Variants in TMEM255A observed in about 807,000 individuals in gnomAD.
TMEM255A encodes transmembrane protein 255A.
Under a neutral mutation model 23.5 loss-of-function variants are expected in TMEM255A, and 14 were observed. That is an observed-to-expected ratio of 0.60 (90% CI 0.39 to 0.93). The LOEUF is 0.93. TMEM255A is among the 40% of genes least tolerant of loss of function. TMEM255A has a pLI of 0.00. For missense variants in TMEM255A, 233 were observed against 261.7 expected, an observed-to-expected ratio of 0.89 and a Z score of 0.76; for synonymous variants, 104 against 100.3, an observed-to-expected ratio of 1.04 and a Z score of -0.22.
chrX:120,271,225 T>G (rs1556018717), intron 7 of TMEM255A, among the ~76,000 whole-genome samples: 1 of 112,015 alleles, frequency 8.9e-6, no homozygotes, highest in Non-Finnish European at 1.9e-5. Context: ...GTTAAAACAC[T>G]CATAGAACCA....
chrX:120,263,590 G>C (rs782805669), intron 8 of TMEM255A, among the ~76,000 whole-genome samples: 28 of 111,827 alleles, frequency 2.5e-4, no homozygotes, highest in Non-Finnish European at 4.1e-4. Flanking sequence ...AAAGAGCCCA[G>C]GAACTGGCTG....
At chrX:120,294,877 CT>C (rs1369874904) in intron 2 of TMEM255A, among the ~76,000 whole-genome samples, 3 of 110,469 alleles carry the variant, frequency 2.7e-5, no homozygotes, top group East Asian at 2.8e-4. Flanking sequence ...TTTTAAAAAT[CT>C]TTTTTTTTGA....
intron 2 of TMEM255A, among the ~76,000 whole-genome samples, chrX:120,298,286 T>C (rs2058010638): frequency 9.0e-6 from 1 of 111,513 alleles, no homozygotes; most frequent in African/African-American, 3.3e-5. Flanking sequence ...GTGTTCGATC[T>C]GTAATTTGGA....
intron 2 of TMEM255A, among the ~76,000 whole-genome samples, 195 bp from the exon 3 acceptor site, chrX:120,294,246 A>C (rs1175707993): frequency 1.8e-5 from 2 of 109,267 alleles, no homozygotes; most frequent in Non-Finnish European, 1.9e-5. Context: ...CATCCCGGCT[A>C]AAACGGTGAA....
At chrX:120,302,455 C>T (rs1344612898) in intron 2 of TMEM255A, among the ~76,000 whole-genome samples, 2 of 110,721 alleles carry the variant, frequency 1.8e-5, no homozygotes, top group African/African-American at 6.6e-5. Context: ...TTCCAAGCCA[C>T]CGAAATGCTA....
chrX:120,285,593 G>A lies in TMEM255A; in HGVS notation c.424-378C>T, dbSNP rs2057868386. The A allele has an allele frequency of 6.6e-6, 8 of 1,208,724 alleles. No homozygotes were observed. In the East Asian group the frequency reaches 1.8e-4, roughly 27 times the overall value. On this transcript the variant is annotated intron_variant, in intron 5 of 8. Transcript: ENST00000371369. ...ATAAGGTGGGAAGGAAGACAGAGGA[G>A]CCGGCGCATGCACTCTGAAGTACAA...
intron 2 of TMEM255A, 26 bp downstream of exon 2, chrX:120,304,323 G>A (rs948559703): frequency 1.0e-5 from 12 of 1,189,771 alleles, no homozygotes; most frequent in Non-Finnish European, 1.4e-5. Context: ...AAGCTACTGC[G>A]ACCTACCTGT....
chrX:120,310,729 GC>G (rs782364263), intron 1 of TMEM255A, among the ~76,000 whole-genome samples: 1,077 of 16,588 alleles, frequency 0.065, 54 homozygotes, highest in East Asian at 0.12. Flanking sequence ...TGCGCAACCC[GC>G]CCCCCCCCCC....
downstream of TMEM255A, chrX:120,253,877 T>C (rs142355959): frequency 3.3e-6 from 4 of 1,209,376 alleles, no homozygotes; most frequent in African/African-American, 7.0e-5. Context: ...AATCAAAAGA[T>C]GAAGCCCAAG....
downstream of TMEM255A, chrX:120,256,932 C>A (rs2057642160): frequency 1.6e-5 from 2 of 121,970 alleles, no homozygotes; most frequent in South Asian, 7.5e-4. Context: ...AAAATATAGT[C>A]TATTTCTTGA....
chrX:120,272,197 G>A (rs782621578), intron 7 of TMEM255A, among the ~76,000 whole-genome samples: 2 of 111,218 alleles, frequency 1.8e-5, no homozygotes, highest in Admixed American at 1.9e-4. Context: ...TGCACCTAGG[G>A]CCCTGAGCAT....
intron 6 of TMEM255A, among the ~76,000 whole-genome samples, chrX:120,279,998 C>CTTTTTT (rs59428362): frequency 2.4e-3 from 90 of 38,179 alleles, no homozygotes; most frequent in African/African-American, 3.6e-3. Flanking sequence ...CCTTTTCTTT[C>CTTTTTT]TTTTTTTTTT....
intron 2 of TMEM255A, among the ~76,000 whole-genome samples, chrX:120,299,361 G>C (rs2058019264): frequency 9.1e-6 from 1 of 110,496 alleles, no homozygotes; most frequent in Non-Finnish European, 1.9e-5. Context: ...CCAGGCTGGA[G>C]AGCAGTGGTG....
intron 7 of TMEM255A, among the ~76,000 whole-genome samples, chrX:120,275,661 G>A (rs1026913298): frequency 1.0e-5 from 1 of 100,133 alleles, no homozygotes; most frequent in Non-Finnish European, 2.0e-5. Flanking sequence ...TTCAATCATG[G>A]CTGCAGATCA....
At chrX:120,288,836 A>G (rs1468768653) in intron 4 of TMEM255A, among the ~76,000 whole-genome samples, 5 of 112,686 alleles carry the variant, frequency 4.4e-5, no homozygotes, top group African/African-American at 1.6e-4. Context: ...AAGGTAGGTT[A>G]CTACTATATC....
Position 120,277,043 on chromosome X carries a change from C to T in TMEM255A, c.517G>A (p.Val173Met). The change falls in exon 7 of 9, where the codon GTG (valine) becomes ATG (methionine). Residue 173 changes from valine (V) to methionine (M), a missense_variant. Val to Met is a conservative substitution (Grantham distance 21). Transcript: ENST00000371369. ...TCGTAGTACCCACCAGTGATCTCCA[C>T]CCGGCTGGACAGGGAGGAGCATGCT... Reference protein sequence around the residue: ...CCDLYNCGNRVEITGGYYEYI... With the variant: ...CCDLYNCGNRMEITGGYYEYI... The T allele has an allele frequency of 1.7e-6, 2 of 1,207,110 alleles. No homozygotes were observed. The highest frequency in any genetic ancestry group is 2.2e-6 in the Non-Finnish European group (2 of 893,088).
chrX:120,296,851 ATAT>A (rs2057975799), intron 2 of TMEM255A, among the ~76,000 whole-genome samples: 1 of 7,682 alleles, frequency 1.3e-4, no homozygotes, highest in African/African-American at 1.1e-3. Context: ...TATATATCAT[ATAT>A]AATATATAAT....
chrX:120,253,875 G>T, downstream of TMEM255A: 2 of 1,211,296 alleles, frequency 1.7e-6, no homozygotes, highest in Non-Finnish European at 2.2e-6. Flanking sequence ...GAAATCAAAA[G>T]ATGAAGCCCA....
intron 6 of TMEM255A, among the ~76,000 whole-genome samples, chrX:120,284,010 C>T (rs2057855315): frequency 9.0e-6 from 1 of 111,700 alleles, no homozygotes; most frequent in South Asian, 3.7e-4. Context: ...ATCCTTCCCA[C>T]CTCTGTCTTC....
Sources: gnomAD v4.1 joint callset for allele counts (sites outside exome capture counted in the v4.1 genomes callset) on GRCh38, gnomAD v4.1.1 for gene constraint, MANE v1.5 for transcripts, NCBI Gene and HGNC (gene_info 2026-07-23, HGNC 2026-07-21) for gene names.